The following TOGARAM2 variants were observed in gnomAD, a reference collection of about 807,000 sequenced individuals.
The protein encoded by TOGARAM2 is TOG array regulator of axonemal microtubules protein 2.
A neutral mutation model predicts 93.3 loss-of-function variants in TOGARAM2; 85 were observed. That is an observed-to-expected ratio of 0.91 (90% CI 0.76 to 1.09). TOGARAM2 has a LOEUF of 1.09. TOGARAM2 is among the 50% of genes least tolerant of loss of function. The pLI, the probability that TOGARAM2 is intolerant of heterozygous loss-of-function variation, is 0.00. For missense variants in TOGARAM2, 1,277 were observed against 1,334.5 expected, an observed-to-expected ratio of 0.96 and a Z score of 0.67; for synonymous variants, 593 against 552.8, an observed-to-expected ratio of 1.07 and a Z score of -1.02.
intron 1 of TOGARAM2, among the ~76,000 whole-genome samples, chr2:28,986,271 G>A (rs1455842131): frequency 6.6e-6 from 1 of 152,008 alleles, no homozygotes; most frequent in Non-Finnish European, 1.5e-5. Flanking sequence ...CTCCCCCTAG[G>A]CTTTCCTATG....
intron 1 of TOGARAM2, among the ~76,000 whole-genome samples, chr2:28,967,901 C>T (rs543732744): frequency 5.6e-4 from 84 of 149,820 alleles, no homozygotes; most frequent in Non-Finnish European, 1.1e-3. Context: ...ACACTGCAAC[C>T]TCCCCCTCCT....
upstream of TOGARAM2, among the ~76,000 whole-genome samples, chr2:28,980,903 A>T (rs1278771090): frequency 6.6e-6 from 1 of 152,212 alleles, no homozygotes; most frequent in Non-Finnish European, 1.5e-5. Flanking sequence ...TTCTGACCAG[A>T]GGGCACACAG....
At chr2:28,963,604 T>C (rs906668651) in intron 1 of TOGARAM2, among the ~76,000 whole-genome samples, 1 of 152,242 alleles carries the variant, frequency 6.6e-6, no homozygotes, top group Non-Finnish European at 1.5e-5. Flanking sequence ...CTTGAACTAC[T>C]GGCTTCAAGT....
At chr2:28,988,984 T>A (rs1308015972) in intron 1 of TOGARAM2, among the ~76,000 whole-genome samples, 1 of 152,188 alleles carries the variant, frequency 6.6e-6, no homozygotes, top group African/African-American at 2.4e-5. Context: ...TCTCTACCCA[T>A]CTCTGCTCAA....
chr2:29,003,246 T>C (rs1215108113), intron 5 of TOGARAM2, among the ~76,000 whole-genome samples: 1 of 152,168 alleles, frequency 6.6e-6, no homozygotes, highest in Non-Finnish European at 1.5e-5. Flanking sequence ...TGTTTGAAGG[T>C]CCTTCCAGCT....
chr2:28,980,207 C>G (rs140700637), upstream of TOGARAM2, among the ~76,000 whole-genome samples: 442 of 152,316 alleles, frequency 2.9e-3, 2 homozygotes, highest in African/African-American at 0.01. Flanking sequence ...GGACCTTGTT[C>G]TCAGTCATAA....
At chr2:29,022,113 C>T in intron 10 of TOGARAM2, 45 bp from the exon 11 acceptor site, 2 of 1,612,536 alleles carry the variant, frequency 1.2e-6, no homozygotes, top group Non-Finnish European at 1.7e-6. Context: ...GGGCTCTTGC[C>T]TGTCCTGCTG....
At chr2:29,025,236 C>G (rs145962623) in intron 13 of TOGARAM2, among the ~76,000 whole-genome samples, 1 of 152,284 alleles carries the variant, frequency 6.6e-6, no homozygotes, top group African/African-American at 2.4e-5. Context: ...GTTGACTCAT[C>G]TGTAAAATGG....
chr2:28,992,590 G>A (rs1275125974), intron 1 of TOGARAM2, among the ~76,000 whole-genome samples: 2 of 152,176 alleles, frequency 1.3e-5, no homozygotes, highest in African/African-American at 2.4e-5. Context: ...TAAGCATCCC[G>A]TAACCTCAGG....
intron 6 of TOGARAM2, among the ~76,000 whole-genome samples, chr2:29,005,435 G>A (rs1445750009): frequency 2.5e-4 from 38 of 149,570 alleles, no homozygotes; most frequent in Non-Finnish European, 5.0e-4. Flanking sequence ...ATGCATGTGC[G>A]TGAGTGCATG....
chr2:28,998,529 T>C (rs1673112381), intron 3 of TOGARAM2, among the ~76,000 whole-genome samples: 1 of 152,118 alleles, frequency 6.6e-6, no homozygotes. Context: ...AGGTTGGCAA[T>C]GGGGAGGGGG....
Position 29,024,183 on chromosome 2 carries a change from C to G in TOGARAM2, c.1662C>G (p.Thr554=), listed in dbSNP as rs761409880. ...AGGTGTCTCACCTGGCCATCAGCAC[C>G]TTGGGAGACCTCTTCCAGGCCTTGA... The part of the protein sequence containing the change: ...RSKVSHLAIS[T]LGDLFQALKK... The change falls in exon 13 of 20, where the codon ACC becomes ACG. Residue 554 remains threonine (T), a synonymous_variant. Coordinates refer to ENST00000379558, the MANE Select transcript of TOGARAM2 (RefSeq NM_199280.4). The G allele has an allele frequency of 7.5e-6, 12 of 1,600,620 alleles. No homozygotes were observed. In the East Asian group the frequency reaches 1.6e-4, roughly 21 times the overall value.
At chr2:29,025,063 C>A (rs1665261492) in intron 13 of TOGARAM2, among the ~76,000 whole-genome samples, 1 of 152,170 alleles carries the variant, frequency 6.6e-6, no homozygotes, top group Non-Finnish European at 1.5e-5. Context: ...ATAAGTGGAT[C>A]ATTACACTGA....
intron 6 of TOGARAM2, among the ~76,000 whole-genome samples, chr2:29,005,282 ATG>A (rs1350046848): frequency 1.8e-4 from 20 of 112,718 alleles, no homozygotes; most frequent in African/African-American, 3.2e-4. Flanking sequence ...GTGTGTGCAT[ATG>A]TGTGTGTGTG....
At chr2:29,035,237 T>C (rs1665275296) in intron 16 of TOGARAM2, among the ~76,000 whole-genome samples, 1 of 151,712 alleles carries the variant, frequency 6.6e-6, no homozygotes, top group South Asian at 2.1e-4. Context: ...TGCTTACATA[T>C]CTTCTGAAAA....
intron 7 of TOGARAM2, among the ~76,000 whole-genome samples, chr2:29,014,104 T>A: frequency 6.6e-6 from 1 of 152,142 alleles, no homozygotes; most frequent in South Asian, 2.1e-4. Flanking sequence ...ATGTCTTACA[T>A]CTCCTGGATA....
intron 18 of TOGARAM2, among the ~76,000 whole-genome samples, chr2:29,044,550 C>G (rs1345680933): frequency 6.6e-6 from 1 of 152,088 alleles, no homozygotes; most frequent in South Asian, 2.1e-4. Flanking sequence ...CCCACCAGGA[C>G]CAGTCAGTCA....
chr2:28,994,967 T>C, intron 2 of TOGARAM2, 105 bp downstream of exon 2: 1 of 1,378,766 alleles, frequency 7.3e-7, no homozygotes, highest in Non-Finnish European at 1.0e-6. Context: ...GATAAAGGGC[T>C]GCTGGGAGAT....
At chr2:28,994,918 C>G in intron 2 of TOGARAM2, 56 bp downstream of exon 2, 1 of 1,544,360 alleles carries the variant, frequency 6.5e-7, no homozygotes, top group Non-Finnish European at 8.8e-7. Flanking sequence ...GGGGACCTGC[C>G]TCGGACACTC....
Sources: allele counts gnomAD v4.1 joint callset (sites outside exome capture counted in the v4.1 genomes callset), GRCh38; gene constraint gnomAD v4.1.1; transcripts MANE v1.5; gene names NCBI Gene and HGNC (gene_info 2026-07-23, HGNC 2026-07-21).